INO80B: variants seen among roughly 807,000 people sequenced by gnomAD.
INO80B encodes the protein IES2 homolog.
INO80B carries 18 observed loss-of-function variants against 31.4 expected under a neutral mutation model. The ratio of observed to expected loss-of-function variants is 0.57; its 90% confidence interval spans 0.40 to 0.85. INO80B has a LOEUF of 0.85. INO80B is among the 40% of genes least tolerant of loss of function. INO80B has a pLI of 0.00. For missense variants in INO80B, 469 were observed against 475.4 expected (o/e 0.99, Z 0.13); for synonymous variants, 238 against 199.0 (o/e 1.20, Z -1.65).
In INO80B at chr2:74,457,630, A is replaced by G; in HGVS notation, c.837A>G (p.Ala279=). ...CCATGGTGCGCTACTGCAGCGGAGCACAGGGTTCCACCCTTTCCTTCCCAC... is the reference window on the plus strand; with the variant it reads ...CCATGGTGCGCTACTGCAGCGGAGCGCAGGGTTCCACCCTTTCCTTCCCAC... ...PAPMVRYCSG[A]QGSTLSFPPG... Residue 279 remains alanine, a synonymous_variant, in exon 5 of 5, where the codon GCA becomes GCG. Coordinates refer to ENST00000233331, the MANE Select transcript of INO80B (RefSeq NM_031288.4). 6.3e-7 allele frequency: 1 copy of G among 1,594,210 alleles called. No individual in the cohort carries two copies. The highest frequency in any genetic ancestry group is 1.7e-5 in the Admixed American group (1 of 59,182).
In INO80B at chr2:74,457,522, C is replaced by G. The variant is rs1247926268; in HGVS notation, c.729C>G (p.Thr243=). The change falls in exon 5 of 5, where the codon ACC becomes ACG. Residue 243 remains threonine (T), a synonymous_variant. Transcript: ENST00000233331. ...EHKNQTIERL[T]KTAATSGRGG... is the part of the protein sequence containing the mutation. ...AGAACCAGACTATCGAGCGCCTCAC[C>G]AAGACTGCGGCGACCAGTGGGCGGG... 1.3e-6 allele frequency: 2 copies of G among 1,536,464 alleles called. No homozygotes were observed. The highest frequency in any genetic ancestry group is 2.0e-5 in the Admixed American group (1 of 50,006).
In INO80B at chr2:74,457,665, C is replaced by T. The variant is rs1253499769; in HGVS notation, c.872C>T (p.Pro291Leu). ...ACCCTTTCCTTCCCACCTGGCGTCC[C>T]CGCCCCCACGGCAGTGTCTCAGCGG... is the stretch of plus-strand genomic sequence containing the variant. ...GSTLSFPPGV[P>L]APTAVSQRPS... The change falls in exon 5 of 5, where the codon CCC becomes CTC. Residue 291 changes from proline to leucine, a missense_variant. This residue lies in a region of INO80B where 201 missense variants were observed against 151.7 expected (regional missense o/e 1.32). Coordinates refer to ENST00000233331, the MANE Select transcript of INO80B (RefSeq NM_031288.4). The T allele has an allele frequency of 6.3e-7, 1 of 1,599,938 alleles. No homozygotes were observed. Among genetic ancestry groups the T allele is most frequent in the Non-Finnish European group, 8.5e-7 (1 of 1,178,766 alleles).
chr2:74,456,354 T>C, intron 4 of INO80B, 82 bp downstream of exon 4: 5 of 1,418,510 alleles, frequency 3.5e-6, no homozygotes, highest in African/African-American at 1.4e-5. Flanking sequence ...TTGCGTGGCA[T>C]TGGGGATATC....
chr2:74,455,598 G>C lies in INO80B; in HGVS notation c.251G>C (p.Ser84Thr), dbSNP rs767141562. The C allele has an allele frequency of 6.2e-7, 1 of 1,609,252 alleles. No individual in the cohort carries two copies. Among genetic ancestry groups the C allele is most frequent in the Non-Finnish European group, 8.5e-7 (1 of 1,178,398 alleles). The change falls in exon 2 of 5, where the codon AGT becomes ACT. Residue 84 changes from serine to threonine, a missense_variant and splice_region_variant. Ser to Thr is a moderately conservative substitution (Grantham distance 58, BLOSUM62 1). Transcript: ENST00000233331. ...KLGGQVLGTKSVPTFTVIPEG... is the reference protein window; with the variant it reads ...KLGGQVLGTKTVPTFTVIPEG... ...GGGGGACAAGTCCTGGGGACCAAGA[G>C]GTGAGGCCAAGAGGGTCATAGTTTT...
intron 1 of INO80B, 90 bp from the exon 2 acceptor site, chr2:74,455,316 G>A: frequency 2.6e-6 from 4 of 1,553,350 alleles, no homozygotes; most frequent in East Asian, 2.2e-5. Context: ...AGTACTGCGG[G>A]AAGGGTGGGA....
chr2:74,455,317 A>G, intron 1 of INO80B, 89 bp from the exon 2 acceptor site: 17 of 1,554,930 alleles, frequency 1.1e-5, no homozygotes, highest in East Asian at 2.2e-5. Flanking sequence ...GTACTGCGGG[A>G]AGGGTGGGAT....
At chr2:74,455,385 C>T (rs2268417) in intron 1 of INO80B, 21 bp from the exon 2 acceptor site, 335,727 of 1,613,798 alleles carry the variant, frequency 0.21, 60,353 homozygotes, top group East Asian at 0.83. Context: ...CAAACACTGT[C>T]GACAGGCTTT....
In INO80B at chr2:74,456,173, G is replaced by A; in HGVS notation, c.441G>A (p.Glu147=). ...LSGGLGGQEE[E]EEQRWLDALE... ...GAGGGTTAGGGGGTCAGGAGGAAGAGGAGGAACAGAGGTGGCTGGATGCCC... is the reference window on the plus strand; with the variant it reads ...GAGGGTTAGGGGGTCAGGAGGAAGAAGAGGAACAGAGGTGGCTGGATGCCC... The change falls in exon 4 of 5, where the codon GAG becomes GAA. Residue 147 remains glutamate, a synonymous_variant. Coordinates refer to ENST00000233331, the MANE Select transcript of INO80B (RefSeq NM_031288.4). 1 of 1,613,784 alleles carries A rather than the reference G, an allele frequency of 6.2e-7. No individual in the cohort carries two copies. Among genetic ancestry groups the A allele is most frequent in the South Asian group, 1.1e-5 (1 of 91,024 alleles).
chr2:74,455,617 T>C lies in INO80B; in HGVS notation c.251+19T>C, dbSNP rs779249665. 48 of 1,587,864 alleles carry C rather than the reference T, an allele frequency of 3.0e-5. No individual in the cohort carries two copies. The highest frequency in any genetic ancestry group is 4.0e-5 in the Non-Finnish European group (47 of 1,169,936). Reference sequence around the variant, plus strand: ...CCAAGAGGTGAGGCCAAGAGGGTCATAGTTTTATAAGGGGAACTTTAGGAG... The same window carrying C: ...CCAAGAGGTGAGGCCAAGAGGGTCACAGTTTTATAAGGGGAACTTTAGGAG... On this transcript the variant is annotated intron_variant, in intron 2 of 4. Transcript: ENST00000233331.
At position 74,455,132 on chromosome 2, in the gene INO80B, C is replaced by A. The variant is rs77721432; in HGVS notation, c.16C>A (p.Arg6=). 2 of 1,614,060 alleles carry A rather than the reference C, an allele frequency of 1.2e-6. No individual in the cohort carries two copies. The highest frequency in any genetic ancestry group is 4.5e-5 in the East Asian group (2 of 44,884). The stretch of plus-strand genomic sequence containing the variant: ...GCAGGACCTCATGAGTAAGCTGTGG[C>A]GGCGTGGGAGCACCTCTGGGGCTAT... MSKLW[R]RGSTSGAMEA... The change falls in exon 1 of 5, where the codon CGG becomes AGG. Residue 6 remains arginine, a synonymous_variant. Coordinates refer to ENST00000233331, the MANE Select transcript of INO80B (RefSeq NM_031288.4).
At chr2:74,457,114 T>C (rs1361850555) in intron 4 of INO80B, among the ~76,000 whole-genome samples, 1 of 152,182 alleles carries the variant, frequency 6.6e-6, no homozygotes, top group Non-Finnish European at 1.5e-5. Context: ...GACCTAAAGC[T>C]AAATGTCAGG....
In INO80B at chr2:74,457,909, A is replaced by G. The variant is rs1275458172; in HGVS notation, c.*45A>G. On this transcript the variant is annotated 3_prime_UTR_variant, in exon 5 of 5. Coordinates refer to ENST00000233331, the MANE Select transcript of INO80B (RefSeq NM_031288.4). Reference sequence around the variant, plus strand: ...GCGCCCCGTCCCATGCCCGCTCTTGAGTATCTTCCCCACCCTATTAAATTA... The same window carrying G: ...GCGCCCCGTCCCATGCCCGCTCTTGGGTATCTTCCCCACCCTATTAAATTA... The G allele has an allele frequency of 6.8e-7, 1 of 1,477,184 alleles. No individual in the cohort carries two copies. Among genetic ancestry groups the G allele is most frequent in the East Asian group, 2.4e-5 (1 of 41,716 alleles). The allele number at this position is 1,477,184 out of a possible 1,614,324, so 91.5% of individuals were successfully genotyped here. A position where few individuals can be genotyped will look rare whatever the true frequency, so the allele number is the denominator to read the frequency against.
Position 74,457,778 on chromosome 2 carries a change from C to T in INO80B, c.985C>T (p.Leu329Phe). 1 of 1,597,792 alleles carries T rather than the reference C, an allele frequency of 6.3e-7. No individual in the cohort carries two copies. The highest frequency in any genetic ancestry group is 1.1e-5 in the South Asian group (1 of 90,876). The change falls in exon 5 of 5, where the codon CTC (leucine) becomes TTC (phenylalanine). Residue 329 changes from leucine to phenylalanine, a missense_variant. Physicochemically the swap from Leu to Phe is conservative, Grantham distance 22. Transcript: ENST00000233331. ...CGCTTGCTCCCGCACAGGCCAGGCA[C>T]TCTGTAGTCTTCAGTGCTACCGCAT... ...RYACSRTGQA[L>F]CSLQCYRINL...
Position 74,455,806 on chromosome 2 carries a change from G to A in INO80B, c.252-12G>A, listed in dbSNP as rs1419921663. The A allele has an allele frequency of 3.2e-6, 5 of 1,555,630 alleles. No individual in the cohort carries two copies. The highest frequency in any genetic ancestry group is 4.4e-6 in the Non-Finnish European group (5 of 1,127,274). ...CTTGCTCATTTTAAAGAGTAGTGTT[G>A]CTTCTCTGCAGTGTTCCTACCTTCA... On this transcript the variant is annotated splice_polypyrimidine_tract_variant and intron_variant, in intron 2 of 4. Coordinates refer to ENST00000233331, the MANE Select transcript of INO80B (RefSeq NM_031288.4).
rs776901562 is a variant in INO80B at position 74,457,369 on chromosome 2, C to T, written c.576C>T (p.Ser192=). ...ALLQKARSQP[S]PMLPLPVAEG... ...TCCAGAAGGCGCGGAGTCAACCTTCCCCTATGCTGCCGCTGCCTGTAGCTG... is the reference window on the plus strand; with the variant it reads ...TCCAGAAGGCGCGGAGTCAACCTTCTCCTATGCTGCCGCTGCCTGTAGCTG... Residue 192 remains serine, a synonymous_variant, in exon 5 of 5, where the codon TCC becomes TCT. Coordinates refer to ENST00000233331, the MANE Select transcript of INO80B (RefSeq NM_031288.4). The T allele has an allele frequency of 1.2e-6, 2 of 1,608,412 alleles. No homozygotes were observed. The highest frequency in any genetic ancestry group is 3.4e-5 in the Admixed American group (2 of 59,566).
intron 4 of INO80B, 61 bp from the exon 5 acceptor site, chr2:74,457,273 C>A: frequency 1.3e-6 from 2 of 1,527,880 alleles, no homozygotes; most frequent in African/African-American, 1.4e-5. Context: ...CCGATCTGGC[C>A]GACCTCGCCT....
rs762545345 is a variant in INO80B at position 74,457,827 on chromosome 2, G to A, written c.1034G>A (p.Gly345Glu). ...ATCAACCTGCAGATGCGGCTGGGGG[G>A]GCCCGAGGGTCCTGGATCCCCCCTT... is the stretch of plus-strand genomic sequence containing the variant. ...YRINLQMRLG[G>E]PEGPGSPLLA... Residue 345 changes from glycine to glutamate, a missense_variant, in exon 5 of 5, where the codon GGG becomes GAG. Physicochemically the swap from Gly to Glu is moderately conservative, Grantham distance 98. Coordinates refer to ENST00000233331, the MANE Select transcript of INO80B (RefSeq NM_031288.4). 1.3e-6 allele frequency: 2 copies of A among 1,582,822 alleles called. No individual in the cohort carries two copies. The highest frequency in any genetic ancestry group is 1.1e-5 in the South Asian group (1 of 89,110).
Position 74,457,936 on chromosome 2 carries a change from A to C in INO80B, c.*72A>C. 10 of 1,363,606 alleles carry C rather than the reference A, an allele frequency of 7.3e-6. No individual in the cohort carries two copies. Among genetic ancestry groups the C allele is most frequent in the Non-Finnish European group, 7.8e-6 (8 of 1,021,030 alleles). The allele number at this position is 1,363,606 out of a possible 1,614,324, so 84.5% of individuals were successfully genotyped here. ...TATCTTCCCCACCCTATTAAATTAC[A>C]TCCGGTGCTTCGGCTTGTACAGAAC... On this transcript the variant is annotated 3_prime_UTR_variant, in exon 5 of 5. Transcript: ENST00000233331.
In INO80B at chr2:74,457,556, G is replaced by A; in HGVS notation, c.763G>A (p.Gly255Arg). ...TAATSGRGGR[G>R]GARGERRGGR... ...GGCGACCAGTGGGCGGGGAGGCCGG[G>A]GGGGCGCACGGGGCGAGCGGCGGGG... The change falls in exon 5 of 5, where the codon GGG (glycine) becomes AGG (arginine). Residue 255 changes from glycine to arginine, a missense_variant. Around this residue, in one of 3 missense-constraint regions of INO80B, gnomAD observed 201 missense variants for 151.7 expected, o/e 1.32. Coordinates refer to ENST00000233331, the MANE Select transcript of INO80B (RefSeq NM_031288.4). The A allele has an allele frequency of 2.0e-6, 3 of 1,518,296 alleles. No individual in the cohort carries two copies. The highest frequency in any genetic ancestry group is 2.6e-6 in the Non-Finnish European group (3 of 1,137,490). 94.1% of individuals were successfully genotyped at this position (1,518,296 alleles called of 1,614,324 possible).
Sources: allele counts gnomAD v4.1 joint callset (sites outside exome capture counted in the v4.1 genomes callset), GRCh38; gene constraint gnomAD v4.1.1; regional missense constraint gnomAD v4.1.1; transcripts MANE v1.5; gene names NCBI Gene and HGNC (gene_info 2026-07-23, HGNC 2026-07-21).